Variants in GRIK4 observed in about 807,000 individuals in gnomAD.
The protein encoded by GRIK4 is glutamate receptor ionotropic, kainate 4.
In GRIK4, 40 loss-of-function variants were observed where a neutral mutation model predicts 104.9. That is an observed-to-expected ratio of 0.38 (90% CI 0.30 to 0.50). GRIK4 has a LOEUF of 0.50. GRIK4 is among the 20% of genes least tolerant of loss of function. The probability of loss-of-function intolerance (pLI) is 0.93; values close to 1 mark genes in which losing one functional copy is unlikely to be tolerated. For synonymous variants in GRIK4, 485 were observed against 524.9 expected (o/e 0.92, Z 1.04); for missense variants, 1,047 against 1,308.1 (o/e 0.80, Z 3.08).
chr11:120,798,536 G>A (rs896370829), intron 3 of GRIK4, among the ~76,000 whole-genome samples: 3 of 152,104 alleles, frequency 2.0e-5, no homozygotes. Context: ...GAATGCGGTG[G>A]CATGATCCTG....
At chr11:120,711,777 G>A (rs1950738054) in intron 3 of GRIK4, among the ~76,000 whole-genome samples, 1 of 152,244 alleles carries the variant, frequency 6.6e-6, no homozygotes, top group South Asian at 2.1e-4. Flanking sequence ...TGGCTGGAGA[G>A]GGCTGGAAAT....
At chr11:120,781,789 G>A (rs1952162545) in intron 3 of GRIK4, among the ~76,000 whole-genome samples, 1 of 152,190 alleles carries the variant, frequency 6.6e-6, no homozygotes, top group Non-Finnish European at 1.5e-5. Context: ...CTTTGGGCTA[G>A]GTTTAGAACC....
chr11:120,752,959 T>C (rs1018635023), intron 3 of GRIK4, among the ~76,000 whole-genome samples: 1 of 152,254 alleles, frequency 6.6e-6, no homozygotes, highest in Non-Finnish European at 1.5e-5. Context: ...GAAGATGGCC[T>C]GGAGGTGCCT....
chr11:120,564,978 G>A (rs942595207), intron 1 of GRIK4, among the ~76,000 whole-genome samples: 48 of 127,914 alleles, frequency 3.8e-4, no homozygotes, highest in African/African-American at 1.5e-3. Flanking sequence ...GCCGGCTGCG[G>A]GGGGGTGGGG....
At chr11:120,576,760 G>T (rs555499502) in intron 1 of GRIK4, among the ~76,000 whole-genome samples, 4 of 152,334 alleles carry the variant, frequency 2.6e-5, no homozygotes, top group Admixed American at 1.3e-4. Flanking sequence ...TAGGAGTTCT[G>T]GGAGCTGGAT....
At chr11:120,659,303 G>C (rs192500227) in intron 2 of GRIK4, among the ~76,000 whole-genome samples, 1 of 152,132 alleles carries the variant, frequency 6.6e-6, no homozygotes, top group Non-Finnish European at 1.5e-5. Flanking sequence ...GGTTTTCAGC[G>C]GTAGTAGAGC....
At chr11:120,603,289 T>C (rs921968633) in intron 1 of GRIK4, among the ~76,000 whole-genome samples, 2 of 152,256 alleles carry the variant, frequency 1.3e-5, no homozygotes, top group African/African-American at 2.4e-5. Flanking sequence ...ACTTACTTTA[T>C]TGGCTTGGTC....
chr11:120,846,457 T>C (rs1020848994), intron 8 of GRIK4, among the ~76,000 whole-genome samples: 7 of 152,172 alleles, frequency 4.6e-5, no homozygotes, highest in African/African-American at 1.7e-4. Context: ...GATGAGGGTT[T>C]ACAGATATGG....
intron 11 of GRIK4, among the ~76,000 whole-genome samples, chr11:120,897,338 A>T (rs1942607250): frequency 6.6e-6 from 1 of 150,962 alleles, no homozygotes. Context: ...AAAACTTGGT[A>T]AAAGAGTACA....
intron 3 of GRIK4, among the ~76,000 whole-genome samples, chr11:120,719,256 C>G (rs1227335673): frequency 2.6e-5 from 4 of 152,172 alleles, no homozygotes; most frequent in African/African-American, 9.7e-5. Flanking sequence ...AAATAATAGG[C>G]TGTAGCAACT....
intron 1 of GRIK4, among the ~76,000 whole-genome samples, chr11:120,610,994 A>G (rs1949030829): frequency 6.6e-6 from 1 of 152,176 alleles, no homozygotes; most frequent in Admixed American, 6.5e-5. Flanking sequence ...CGTCCGGCCC[A>G]TGTCCTGTCG....
At chr11:120,714,761 G>C (rs1446562810) in intron 3 of GRIK4, among the ~76,000 whole-genome samples, 1 of 152,216 alleles carries the variant, frequency 6.6e-6, no homozygotes, top group South Asian at 2.1e-4. Flanking sequence ...AGTCAAGAGA[G>C]AATATGATTC....
chr11:120,803,046 C>T (rs141952737), intron 4 of GRIK4, among the ~76,000 whole-genome samples, 189 bp downstream of exon 4: 81 of 152,284 alleles, frequency 5.3e-4, no homozygotes, highest in African/African-American at 1.9e-3. Flanking sequence ...AGGTTTTGTG[C>T]GAATCACGTG....
intron 13 of GRIK4, among the ~76,000 whole-genome samples, chr11:120,908,456 C>CAA (rs147586987): frequency 0.63 from 94,788 of 150,626 alleles, 30,331 homozygotes; most frequent in East Asian, 0.83. Context: ...CACACACACA[C>CAA]ACACAGAGAG....
chr11:120,773,074 C>T lies in GRIK4; in HGVS notation c.83-29619C>T, dbSNP rs569299002. Among the ~76,000 whole-genome samples, 3 of 152,226 alleles carry T rather than the reference C, an allele frequency of 2.0e-5. No homozygotes were observed. The East Asian group carries it at 5.8e-4, about 29-fold the overall frequency. ...ATGCCTGTTTTTGTTTGAAATTTTT[C>T]CATATTTTATTTAATCATCATAACA... On this transcript the variant is annotated intron_variant, in intron 3 of 20. Transcript: ENST00000527524.
intron 3 of GRIK4, among the ~76,000 whole-genome samples, chr11:120,769,576 A>G (rs1476275610): frequency 6.6e-6 from 1 of 152,224 alleles, no homozygotes; most frequent in East Asian, 1.9e-4. Context: ...CTTAACTTGC[A>G]GACCACATCA....
intron 3 of GRIK4, among the ~76,000 whole-genome samples, chr11:120,682,111 G>A (rs1053638492): frequency 2.0e-5 from 3 of 152,200 alleles, no homozygotes; most frequent in East Asian, 1.9e-4. Context: ...AAGAAAAACC[G>A]AGCTGCTGAG....
intron 1 of GRIK4, among the ~76,000 whole-genome samples, chr11:120,614,827 G>A (rs1317571156): frequency 3.9e-5 from 6 of 151,996 alleles, no homozygotes; most frequent in South Asian, 2.1e-4. Flanking sequence ...GTGAAACCCC[G>A]TCTCTACTAA....
At chr11:120,590,216 A>C (rs1239328994) in intron 1 of GRIK4, among the ~76,000 whole-genome samples, 2 of 151,784 alleles carry the variant, frequency 1.3e-5, no homozygotes, top group South Asian at 4.2e-4. Flanking sequence ...TGCCCCTGAC[A>C]CCCTGCCTTC....
Sources: allele counts gnomAD v4.1 joint callset (sites outside exome capture counted in the v4.1 genomes callset), GRCh38; gene constraint gnomAD v4.1.1; transcripts MANE v1.5; gene names NCBI Gene and HGNC (gene_info 2026-07-23, HGNC 2026-07-21).